COL4A3: variants seen among roughly 807,000 people sequenced by gnomAD.
COL4A3 encodes the protein collagen type IV alpha 3 chain.
COL4A3 carries 135 observed loss-of-function variants against 217.4 expected under a neutral mutation model. The observed-to-expected ratio is 0.62, with a 90% CI of 0.54 to 0.72. The LOEUF is 0.72. Among genes scored for constraint, COL4A3 ranks in the 30% least tolerant of loss-of-function variants. The pLI is 0.00. For synonymous variants in COL4A3, 690 were observed against 736.3 expected (o/e 0.94, Z 1.02); for missense variants, 1,868 against 2,119.9 (o/e 0.88, Z 2.33).
rs912759528 is a variant in COL4A3 at position 227,257,891 on chromosome 2, G to A, written c.1029+247G>A. Among the ~76,000 whole-genome samples the A allele has an allele frequency of 5.9e-5, 9 of 152,330 alleles. No individual in the cohort carries two copies. The South Asian group carries it at 1.0e-3, about 18-fold the overall frequency. ...GGCTATGGAAGAGAAGAAAAGCTTT[G>A]TCTAAGCAGCCCAGGCCCAAGGTGA... On this transcript the variant is annotated intron_variant, in intron 18 of 51. Transcript: ENST00000396578.
At chr2:227,256,169 A>G (rs2070157322) in intron 16 of COL4A3, 99 bp downstream of exon 16, 2 of 1,327,750 alleles carry the variant, frequency 1.5e-6, no homozygotes, top group South Asian at 2.4e-5. Context: ...AACAAACAAA[A>G]AGCTTACAGC....
At chr2:227,234,480 C>T (rs1019882753) in intron 1 of COL4A3, among the ~76,000 whole-genome samples, 3 of 152,212 alleles carry the variant, frequency 2.0e-5, no homozygotes, top group Non-Finnish European at 4.4e-5. Context: ...CATCATGGCA[C>T]CCCATCAAAT....
intron 47 of COL4A3, among the ~76,000 whole-genome samples, chr2:227,306,116 T>C (rs1449493207): frequency 6.6e-6 from 1 of 152,268 alleles, no homozygotes; most frequent in Non-Finnish European, 1.5e-5. Context: ...TAAACCATTC[T>C]TATTAAGAAT....
At chr2:227,216,988 G>C (rs2067550685) in intron 1 of COL4A3, among the ~76,000 whole-genome samples, 1 of 152,134 alleles carries the variant, frequency 6.6e-6, no homozygotes, top group South Asian at 2.1e-4. Flanking sequence ...TTTAGTGACT[G>C]TATTGGTCTA....
chr2:227,284,210 G>C lies in COL4A3; in HGVS notation c.2747-1G>C, dbSNP rs1196996393. The C allele has an allele frequency of 1.2e-6, 2 of 1,613,910 alleles. No homozygotes were observed. The highest frequency in any genetic ancestry group is 1.7e-6 in the Non-Finnish European group (2 of 1,179,990). On this transcript the variant is annotated splice_acceptor_variant, in intron 33 of 51. Coordinates refer to ENST00000396578, the MANE Select transcript of COL4A3 (RefSeq NM_000091.5). LOFTEE classifies it high-confidence loss of function. ...CTGATGTTGTTACTCCTGTCTGTTAGGGAGCCCTGGAATTCCAGGAGTAAA... is the reference window on the plus strand; with the variant it reads ...CTGATGTTGTTACTCCTGTCTGTTACGGAGCCCTGGAATTCCAGGAGTAAA...
chr2:227,246,363 T>C (rs1239612523), intron 6 of COL4A3: 3 of 501,632 alleles, frequency 6.0e-6, no homozygotes, highest in Non-Finnish European at 1.1e-5. Context: ...CCTTTTGTTT[T>C]CGAACTGAGC....
chr2:227,202,735 T>TTAA (rs774121334), intron 1 of COL4A3, among the ~76,000 whole-genome samples: 31 of 44,614 alleles, frequency 6.9e-4, no homozygotes, highest in African/African-American at 1.4e-3. Flanking sequence ...AATCCGTCTC[T>TTAA]AAAAAAAAAA....
chr2:227,305,130 T>C (rs755106725), intron 47 of COL4A3, 47 bp downstream of exon 47: 12 of 1,542,632 alleles, frequency 7.8e-6, no homozygotes. Flanking sequence ...TATTTCGACA[T>C]ACAGAGAAGT....
At chr2:227,177,015 A>G (rs1392271445) in intron 1 of COL4A3, among the ~76,000 whole-genome samples, 1 of 152,218 alleles carries the variant, frequency 6.6e-6, no homozygotes, top group Non-Finnish European at 1.5e-5. Context: ...AAAACTATTT[A>G]TAATCATATT....
intron 20 of COL4A3, among the ~76,000 whole-genome samples, chr2:227,261,904 A>G (rs964550897): frequency 2.0e-5 from 3 of 152,266 alleles, no homozygotes; most frequent in African/African-American, 7.2e-5. Context: ...GAGTTGGATC[A>G]GGGATGGTCC....
intron 25 of COL4A3, 30 bp from the exon 26 acceptor site, chr2:227,272,919 C>A (rs1190309904): frequency 6.2e-7 from 1 of 1,611,218 alleles, no homozygotes; most frequent in Admixed American, 1.7e-5. Context: ...TGGAATGAAG[C>A]ACGATTCAAA....
At chr2:227,275,281 A>C (rs1486528830) in intron 26 of COL4A3, among the ~76,000 whole-genome samples, 1 of 152,094 alleles carries the variant, frequency 6.6e-6, no homozygotes, top group African/African-American at 2.4e-5. Context: ...CCTGGATTCA[A>C]GGGAATCTCG....
chr2:227,206,336 G>A (rs765430322), intron 1 of COL4A3, among the ~76,000 whole-genome samples: 1 of 152,186 alleles, frequency 6.6e-6, no homozygotes, highest in Non-Finnish European at 1.5e-5. Context: ...GTCTCCCGTA[G>A]TGCTGGGATT....
At position 227,270,377 on chromosome 2, in the gene COL4A3, C is replaced by A. The variant is rs78156562; in HGVS notation, c.1576-393C>A. Among the ~76,000 whole-genome samples the A allele has an allele frequency of 9.0e-3, 1,371 of 152,210 alleles. 9 individuals carry two copies. Among genetic ancestry groups the A allele is most frequent in the Middle Eastern group, 0.017 (5 of 294 alleles). ...GAAATTTTATGGTATGTAAATTATA[C>A]CTCAATAAGTCCGTTAAAAATTAGA... On this transcript the variant is annotated intron_variant, in intron 24 of 51. Transcript: ENST00000396578.
intron 22 of COL4A3, 78 bp from the exon 23 acceptor site, chr2:227,266,915 A>T: frequency 1.1e-6 from 1 of 914,932 alleles, no homozygotes; most frequent in Non-Finnish European, 1.8e-6. Context: ...AATAAATGAT[A>T]GTGTGGTTGG....
intron 1 of COL4A3, among the ~76,000 whole-genome samples, chr2:227,220,045 T>A (rs1251549326): frequency 6.6e-6 from 1 of 152,110 alleles, no homozygotes; most frequent in East Asian, 1.9e-4. Context: ...TTTTCTGTAC[T>A]TGCTGAAGAT....
chr2:227,186,518 C>T (rs1435257314), intron 1 of COL4A3, among the ~76,000 whole-genome samples: 1 of 152,130 alleles, frequency 6.6e-6, no homozygotes. Context: ...ATTTGGTTGA[C>T]CTGAAATTAG....
intron 1 of COL4A3, among the ~76,000 whole-genome samples, chr2:227,197,677 CT>C (rs2032957946): frequency 6.6e-6 from 1 of 152,134 alleles, no homozygotes; most frequent in African/African-American, 2.4e-5. Context: ...TTTGGGAAAA[CT>C]TCCAGTCATT....
chr2:227,240,212 C>T lies in COL4A3; in HGVS notation c.214C>T (p.Pro72Ser). The T allele has an allele frequency of 6.2e-7, 1 of 1,610,952 alleles. No individual in the cohort carries two copies. The highest frequency in any genetic ancestry group is 1.3e-5 in the African/African-American group (1 of 74,984). Residue 72 changes from proline to serine, a missense_variant, in exon 3 of 52, where the codon CCT becomes TCT. Pro to Ser is a moderately conservative substitution (Grantham distance 74). Transcript: ENST00000396578. Reference sequence around the variant, plus strand: ...AGGATTCACAGGTCCTGAAGGCTTGCCTGGACCGCAGGGACCCAAGGTATG... The same window carrying T: ...AGGATTCACAGGTCCTGAAGGCTTGTCTGGACCGCAGGGACCCAAGGTATG... Reference protein sequence around the residue: ...QKGFTGPEGLPGPQGPKGFPG... With the variant: ...QKGFTGPEGLSGPQGPKGFPG...
Sources: allele counts gnomAD v4.1 joint callset (sites outside exome capture counted in the v4.1 genomes callset), GRCh38; gene constraint gnomAD v4.1.1; transcripts MANE v1.5; gene names NCBI Gene and HGNC (gene_info 2026-07-23, HGNC 2026-07-21).